Variants in NEMP2 observed in about 807,000 individuals in gnomAD.
NEMP2 encodes the protein nuclear envelope integral membrane protein 2, also known as UPF0571 transmembrane protein.
NEMP2 carries 53 observed loss-of-function variants against 54.2 expected under a neutral mutation model. The ratio of observed to expected loss-of-function variants is 0.98; its 90% CI spans 0.78 to 1.23. The LOEUF (loss-of-function observed/expected upper bound fraction) is 1.23, where lower values mean the gene tolerates loss of function less well. Among genes scored for constraint, NEMP2 ranks in the 50% most tolerant of loss-of-function variants. NEMP2 has a pLI of 0.00. For missense variants in NEMP2, 455 were observed against 511.3 expected (o/e 0.89, Z 1.06); for synonymous variants, 197 against 190.3 (o/e 1.04, Z -0.29).
the NEMP2 span, among the ~76,000 whole-genome samples, chr2:190,472,695 T>C: frequency 9.9e-5 from 15 of 152,148 alleles, no homozygotes; most frequent in Admixed American, 3.3e-4. Context: ...TTCCCCAATC[T>C]AGCAAGGCAG....
At chr2:190,445,832 G>A in the NEMP2 span, among the ~76,000 whole-genome samples, 1 of 151,984 alleles carries the variant, frequency 6.6e-6, no homozygotes, top group Non-Finnish European at 1.5e-5. Flanking sequence ...AATGCTTCCT[G>A]TAATTGACTA....
At chr2:190,428,337 T>C in the NEMP2 span, among the ~76,000 whole-genome samples, 4 of 152,222 alleles carry the variant, frequency 2.6e-5, no homozygotes, top group Non-Finnish European at 5.9e-5. Flanking sequence ...ACATATCTTT[T>C]GGTTGTCATA....
intron 6 of NEMP2, among the ~76,000 whole-genome samples, chr2:190,515,255 G>A (rs185163110): frequency 1.8e-4 from 27 of 152,214 alleles, no homozygotes; most frequent in Non-Finnish European, 3.1e-4. Flanking sequence ...CAGAAAATAC[G>A]CAGAAGAGAA....
At chr2:190,593,994 T>TA in the NEMP2 span, among the ~76,000 whole-genome samples, 1 of 152,222 alleles carries the variant, frequency 6.6e-6, no homozygotes, top group Non-Finnish European at 1.5e-5. This position sits in a 1 kb window ranked among gnomAD's most constrained non-coding sequence, Gnocchi z 4.5. Flanking sequence ...AACTCACCAA[T>TA]GACTTCTCAT....
chr2:190,465,925 G>A, the NEMP2 span, among the ~76,000 whole-genome samples: 14 of 152,044 alleles, frequency 9.2e-5, no homozygotes, highest in Non-Finnish European at 2.1e-4. The surrounding 1 kb of genome is among the most constrained non-coding windows in gnomAD (Gnocchi z 4.6). Context: ...TCCGGGAGGC[G>A]GTGGTTACAG....
chr2:190,557,473 T>A, the NEMP2 span, among the ~76,000 whole-genome samples: 1 of 151,876 alleles, frequency 6.6e-6, no homozygotes, highest in Non-Finnish European at 1.5e-5. Context: ...AAATTGAAAG[T>A]GGGATTAATT....
At chr2:190,437,064 G>A in the NEMP2 span, 1 of 1,614,234 alleles carries the variant, frequency 6.2e-7, no homozygotes, top group Non-Finnish European at 8.5e-7. This position sits in a 1 kb window ranked among gnomAD's most constrained non-coding sequence, Gnocchi z 5.9. Context: ...TGGGCATCGG[G>A]ATCGACTACA....
At chr2:190,546,620 A>C in the NEMP2 span, among the ~76,000 whole-genome samples, 1 of 152,184 alleles carries the variant, frequency 6.6e-6, no homozygotes, top group African/African-American at 2.4e-5. This position sits in a 1 kb window ranked among gnomAD's most constrained non-coding sequence, Gnocchi z 5.1. Context: ...GATGAAAATG[A>C]ATAATTATTA....
Position 190,512,811 on chromosome 2 carries a change from A to C in NEMP2, c.953+1642T>G, listed in dbSNP as rs1016644972. Among the ~76,000 whole-genome samples, 1 of 152,168 alleles carries C rather than the reference A, an allele frequency of 6.6e-6. No individual in the cohort carries two copies. The highest frequency in any genetic ancestry group is 2.4e-5 in the African/African-American group (1 of 41,454). The stretch of plus-strand genomic sequence containing the variant: ...GGCAAAGAGAGACCCAGTCAGCATC[A>C]ACCCTCCAACCCTGCCCTGCTGCCT... On this transcript the variant is annotated intron_variant, in intron 7 of 8. Coordinates refer to ENST00000409150, the MANE Select transcript of NEMP2 (RefSeq NM_001142645.2). This position sits in a 1 kb window ranked among gnomAD's most constrained non-coding sequence, Gnocchi z 4.5.
chr2:190,459,106 C>G, the NEMP2 span, among the ~76,000 whole-genome samples: 27 of 152,180 alleles, frequency 1.8e-4, no homozygotes, highest in Non-Finnish European at 3.8e-4. The surrounding 1 kb of genome is among the most constrained non-coding windows in gnomAD (Gnocchi z 5.3). Context: ...AGGGGTTTCT[C>G]CCAGAACATC....
At chr2:190,471,840 C>CCGG in the NEMP2 span, among the ~76,000 whole-genome samples, 4 of 152,220 alleles carry the variant, frequency 2.6e-5, no homozygotes, top group South Asian at 2.1e-4. This position sits in a 1 kb window ranked among gnomAD's most constrained non-coding sequence, Gnocchi z 4.7. Flanking sequence ...AGGCACCCCC[C>CCGG]AGTAGGGGCA....
At chr2:190,454,993 TA>T in the NEMP2 span, among the ~76,000 whole-genome samples, 5 of 83,848 alleles carry the variant, frequency 6.0e-5, no homozygotes, top group East Asian at 5.7e-4. The surrounding 1 kb of genome is among the most constrained non-coding windows in gnomAD (Gnocchi z 4.6). Flanking sequence ...TGTATATGTA[TA>T]TGTATAATGT....
the NEMP2 span, chr2:190,464,697 T>A: frequency 6.2e-6 from 1 of 160,184 alleles, no homozygotes; most frequent in African/African-American, 2.4e-5. Flanking sequence ...TCCTGTGTGG[T>A]CCCATTGCAC....
chr2:190,562,310 C>T, the NEMP2 span, among the ~76,000 whole-genome samples: 1 of 152,184 alleles, frequency 6.6e-6, no homozygotes, highest in East Asian at 1.9e-4. This position sits in a 1 kb window ranked among gnomAD's most constrained non-coding sequence, Gnocchi z 5.0. Context: ...TTCCCAGTCC[C>T]TCCCATCTGC....
the NEMP2 span, among the ~76,000 whole-genome samples, chr2:190,627,558 C>T: frequency 6.6e-6 from 1 of 150,914 alleles, no homozygotes; most frequent in East Asian, 1.9e-4. The surrounding 1 kb of genome is among the most constrained non-coding windows in gnomAD (Gnocchi z 4.4). Flanking sequence ...TACATCAACA[C>T]TTACTTCATT....
At chr2:190,422,660 C>T in the NEMP2 span, among the ~76,000 whole-genome samples, 7 of 152,086 alleles carry the variant, frequency 4.6e-5, no homozygotes, top group Non-Finnish European at 7.4e-5. Flanking sequence ...TGTTCTGAAA[C>T]GATGATGTGC....
At position 190,507,878 on chromosome 2, in the gene NEMP2, A is replaced by G. The variant is rs1352504715; in HGVS notation, c.*1311T>C. The G allele has an allele frequency of 6.6e-6, 1 of 152,178 alleles. No individual in the cohort carries two copies. The highest frequency in any genetic ancestry group is 6.5e-5 in the Admixed American group (1 of 15,282). The allele number at this position is 152,178 out of a possible 1,614,324, so 9.4% of individuals were successfully genotyped here. A position where few individuals can be genotyped will look rare whatever the true frequency, so the allele number is the denominator to read the frequency against. ...TAACCTTTGTCCTGATAAAAAGATTATTTTTATGATCCCATCACAGGAAAA... is the reference window on the plus strand; with the variant it reads ...TAACCTTTGTCCTGATAAAAAGATTGTTTTTATGATCCCATCACAGGAAAA... On this transcript the variant is annotated 3_prime_UTR_variant, in exon 9 of 9. Transcript: ENST00000409150. This position sits in a 1 kb window ranked among gnomAD's most constrained non-coding sequence, Gnocchi z 4.4.
At chr2:190,489,416 T>C in the NEMP2 span, among the ~76,000 whole-genome samples, 3 of 152,216 alleles carry the variant, frequency 2.0e-5, no homozygotes, top group African/African-American at 7.2e-5. The surrounding 1 kb of genome is among the most constrained non-coding windows in gnomAD (Gnocchi z 6.6). Flanking sequence ...GCACTGCTGT[T>C]CCAACTACAG....
Position 190,528,465 on chromosome 2 carries a change from T to C in NEMP2, c.98-3087A>G, listed in dbSNP as rs2125343415. The stretch of plus-strand genomic sequence containing the variant: ...CTCAAACAAAAGTGATTCCTACCTA[T>C]CGTTGGAAAGGGAGTGCATTCCAGC... On this transcript the variant is annotated intron_variant, in intron 1 of 8. Transcript: ENST00000409150. This position sits in a 1 kb window ranked among gnomAD's most constrained non-coding sequence, Gnocchi z 4.3. Among the ~76,000 whole-genome samples, 1 of 152,282 alleles carries C rather than the reference T, an allele frequency of 6.6e-6. No homozygotes were observed. Among genetic ancestry groups the C allele is most frequent in the East Asian group, 1.9e-4 (1 of 5,190 alleles).
Sources: gnomAD v4.1 joint callset for allele counts (sites outside exome capture counted in the v4.1 genomes callset) on GRCh38, gnomAD v4.1.1 for gene constraint, Gnocchi (gnomAD v3.1) non-coding constraint, MANE v1.5 for transcripts, NCBI Gene and HGNC (gene_info 2026-07-23, HGNC 2026-07-21) for gene names.